CRIM1: variants seen among roughly 807,000 people sequenced by gnomAD.
CRIM1 encodes the protein cysteine-rich motor neuron 1 protein.
In CRIM1, 32 loss-of-function variants were observed where a neutral mutation model predicts 116.4. That is an observed-to-expected ratio of 0.27 (90% CI 0.21 to 0.37). The LOEUF is 0.37. Ranked by LOEUF, CRIM1 falls within the 10% of genes least tolerant of loss-of-function variation. The pLI is 1.00. For synonymous variants in CRIM1, 590 were observed against 509.2 expected (o/e 1.16, Z -2.13); for missense variants, 1,331 against 1,354.8 (o/e 0.98, Z 0.28).
intron 2 of CRIM1, among the ~76,000 whole-genome samples, chr2:36,411,995 C>A (rs989877129): frequency 1.3e-5 from 2 of 152,142 alleles, no homozygotes; most frequent in East Asian, 3.9e-4. Context: ...TATCTGCTTC[C>A]CGCACACTAG....
intron 13 of CRIM1, among the ~76,000 whole-genome samples, chr2:36,524,685 T>C (rs1337085567): frequency 6.6e-6 from 1 of 152,244 alleles, no homozygotes; most frequent in Non-Finnish European, 1.5e-5. Flanking sequence ...TTGTAATTAG[T>C]AAATTATTCG....
chr2:36,527,909 C>T (rs1262737535), intron 13 of CRIM1, among the ~76,000 whole-genome samples: 1 of 151,634 alleles, frequency 6.6e-6, no homozygotes, highest in African/African-American at 2.4e-5. Flanking sequence ...AGAGAACTTC[C>T]CTTGGAGCCA....
rs1229843632 is a variant in CRIM1 at position 36,496,767 on chromosome 2, T to C, written c.1373-2452T>C. 2.0e-5 allele frequency among the ~76,000 whole-genome samples: 3 copies of C among 152,216 alleles called. No homozygotes were observed. The South Asian group carries it at 6.2e-4, about 31-fold the overall frequency. On this transcript the variant is annotated intron_variant, in intron 7 of 16. Transcript: ENST00000280527. ...TAACTGTTGAAGCCATTTGGATAGA[T>C]TGGCTTCTGTGACTGATACGGGGCT... is the stretch of plus-strand genomic sequence containing the variant.
chr2:36,490,403 T>C (rs1643625883), intron 7 of CRIM1, among the ~76,000 whole-genome samples: 1 of 152,190 alleles, frequency 6.6e-6, no homozygotes, highest in Non-Finnish European at 1.5e-5. Flanking sequence ...GAGCAGGGAC[T>C]CAAGCTATGT....
chr2:36,463,626 C>T (rs1224964722), intron 4 of CRIM1, among the ~76,000 whole-genome samples: 1 of 152,204 alleles, frequency 6.6e-6, no homozygotes, highest in Non-Finnish European at 1.5e-5. Flanking sequence ...TGCTGACACC[C>T]AGCTGCCCTA....
intron 1 of CRIM1, among the ~76,000 whole-genome samples, chr2:36,377,738 G>C (rs894124407): frequency 6.6e-6 from 1 of 152,122 alleles, no homozygotes; most frequent in Admixed American, 6.5e-5. Flanking sequence ...TTCATGCTTT[G>C]TTGAGTAAAT....
At chr2:36,369,121 T>C (rs1669783389) in intron 1 of CRIM1, 1 of 152,220 alleles carries the variant, frequency 6.6e-6, no homozygotes, top group African/African-American at 2.4e-5. Context: ...GGTTGGTGCA[T>C]ATTAGCTTAA....
intron 5 of CRIM1, among the ~76,000 whole-genome samples, chr2:36,475,331 T>G (rs1470970861): frequency 2.0e-5 from 3 of 152,268 alleles, no homozygotes; most frequent in Non-Finnish European, 4.4e-5. Flanking sequence ...TTCCTAAGTA[T>G]TGTATACTTT....
chr2:36,543,675 G>A (rs1180926816), intron 14 of CRIM1, among the ~76,000 whole-genome samples: 2 of 145,412 alleles, frequency 1.4e-5, no homozygotes, highest in Non-Finnish European at 3.0e-5. Context: ...TGTAGGAGCT[G>A]AGAAAAGTTC....
intron 2 of CRIM1, among the ~76,000 whole-genome samples, chr2:36,426,983 A>C (rs1010661817): frequency 1.3e-5 from 2 of 152,228 alleles, no homozygotes; most frequent in Admixed American, 1.3e-4. Flanking sequence ...CGGGTGGATC[A>C]CGAGGTCAGG....
rs1861428 is a variant in CRIM1, at chr2:36,416,397, G to A, written c.505+19610G>A. The stretch of plus-strand genomic sequence containing the variant: ...TTGCAAGCTTGTGAGGAGAGAGGTA[G>A]CATGTGAAGTTAAGACTAGAATGAC... On this transcript the variant is annotated intron_variant, in intron 2 of 16. Coordinates refer to ENST00000280527, the MANE Select transcript of CRIM1 (RefSeq NM_016441.3). Among the ~76,000 whole-genome samples, 437 of 152,254 alleles carry A rather than the reference G, an allele frequency of 2.9e-3. 11 individuals carry two copies. In the South Asian group the frequency reaches 0.035, roughly 12 times the overall value.
intron 5 of CRIM1, among the ~76,000 whole-genome samples, chr2:36,465,347 T>C (rs957729563): frequency 2.6e-5 from 4 of 152,232 alleles, no homozygotes; most frequent in African/African-American, 9.6e-5. Flanking sequence ...ACCTGCAACA[T>C]GCTTCTCTAC....
chr2:36,548,598 A>G lies in CRIM1; in HGVS notation c.3008A>G (p.Gln1003Arg). 6.2e-7 allele frequency: 1 copy of G among 1,612,914 alleles called. No homozygotes were observed. The highest frequency in any genetic ancestry group is 1.1e-5 in the South Asian group (1 of 90,876). The stretch of plus-strand genomic sequence containing the variant: ...ACCAGAGTCCAGGTGGACAGTTCCC[A>G]GAGAATGCTAAGAATTGCAGAACCA... Reference protein sequence around the residue: ...KGTRVQVDSSQRMLRIAEPDA... With the variant: ...KGTRVQVDSSRRMLRIAEPDA... The change falls in exon 17 of 17, where the codon CAG becomes CGG. Residue 1003 changes from glutamine (Q) to arginine (R), a missense_variant. Gln to Arg is a conservative substitution (Grantham distance 43). This residue lies in a region of CRIM1 where 283 missense variants were observed against 242.8 expected (regional missense o/e 1.17). Coordinates refer to ENST00000280527, the MANE Select transcript of CRIM1 (RefSeq NM_016441.3).
At chr2:36,535,212 G>C (rs933350840) in intron 13 of CRIM1, among the ~76,000 whole-genome samples, 3 of 149,002 alleles carry the variant, frequency 2.0e-5, no homozygotes, top group Non-Finnish European at 4.5e-5. Flanking sequence ...AAGGAAGGAT[G>C]GAGGGAGAAG....
At chr2:36,357,075 T>C (rs1668883054) in intron 1 of CRIM1, among the ~76,000 whole-genome samples, 1 of 152,206 alleles carries the variant, frequency 6.6e-6, no homozygotes. Context: ...GAAAGTCCTT[T>C]TTCTGTTGGC....
intron 2 of CRIM1, among the ~76,000 whole-genome samples, chr2:36,400,778 G>A (rs1463831492): frequency 6.6e-6 from 1 of 152,164 alleles, no homozygotes; most frequent in Non-Finnish European, 1.5e-5. Context: ...GGCACAGAAT[G>A]GGATTTGGGA....
intron 1 of CRIM1, among the ~76,000 whole-genome samples, chr2:36,358,407 G>A (rs928113834): frequency 4.6e-5 from 7 of 152,194 alleles, no homozygotes; most frequent in African/African-American, 1.7e-4. Context: ...AAACTGCTGT[G>A]TTCCAAGAAG....
chr2:36,548,615 G>T lies in CRIM1; in HGVS notation c.3025G>T (p.Ala1009Ser), dbSNP rs371378759. The T allele has an allele frequency of 5.0e-6, 8 of 1,612,992 alleles. No individual in the cohort carries two copies. Among genetic ancestry groups the T allele is most frequent in the African/African-American group, 1.3e-5 (1 of 74,978 alleles). Residue 1009 changes from alanine to serine, a missense_variant, in exon 17 of 17, where the codon GCA becomes TCA. Physicochemically the swap from Ala to Ser is moderately conservative, Grantham distance 99. Transcript: ENST00000280527. The stretch of plus-strand genomic sequence containing the variant: ...CAGTTCCCAGAGAATGCTAAGAATT[G>T]CAGAACCAGATGCAAGATTCAGTGG... ...VDSSQRMLRI[A>S]EPDARFSGFY...
At chr2:36,393,100 C>G (rs1671741047) in intron 1 of CRIM1, among the ~76,000 whole-genome samples, 1 of 152,146 alleles carries the variant, frequency 6.6e-6, no homozygotes, top group Non-Finnish European at 1.5e-5. Flanking sequence ...AGAAAAGCAT[C>G]TGGCAGTGAA....
Sources: gnomAD v4.1 joint callset for allele counts (sites outside exome capture counted in the v4.1 genomes callset) on GRCh38, gnomAD v4.1.1 for gene constraint, gnomAD v4.1.1 regional missense constraint, MANE v1.5 for transcripts, NCBI Gene and HGNC (gene_info 2026-07-23, HGNC 2026-07-21) for gene names.